The following SEZ6L2 variants were observed in gnomAD, a reference collection of about 807,000 sequenced individuals.
The protein encoded by SEZ6L2 is seizure related 6 homolog like 2.
Under a neutral mutation model 97.0 loss-of-function variants are expected in SEZ6L2, and 44 were observed. That is an observed-to-expected ratio of 0.45 (90% CI 0.36 to 0.58). SEZ6L2 has a LOEUF of 0.58. Ranked by LOEUF, SEZ6L2 falls within the 20% of genes least tolerant of loss-of-function variation. The probability of loss-of-function intolerance (pLI) is 0.00; values close to 1 mark genes in which losing one functional copy is unlikely to be tolerated. For missense variants in SEZ6L2, 1,086 were observed against 1,233.3 expected, an observed-to-expected ratio of 0.88 and a Z score of 1.79; for synonymous variants, 543 against 546.1, an observed-to-expected ratio of 0.99 and a Z score of 0.08.
Position 29,879,937 on chromosome 16 carries a change from A to G in SEZ6L2, c.1500T>C (p.Pro500=). Reference sequence around the variant, plus strand: ...CACATTCGATGGCATTGGGGGGCCCAGGGGGCTCCAGGGCATATCCTGGGA... The same window carrying G: ...CACATTCGATGGCATTGGGGGGCCCGGGGGGCTCCAGGGCATATCCTGGGA... ...SCLPGYALEP[P]GPPNAIECVD... is the part of the protein sequence containing the mutation. Residue 500 remains proline, a synonymous_variant, in exon 9 of 18, where the codon CCT becomes CCC. Coordinates refer to ENST00000617533, the MANE Select transcript of SEZ6L2 (RefSeq NM_001243332.2). 1.2e-6 allele frequency: 2 copies of G among 1,614,088 alleles called. No individual in the cohort carries two copies. Among genetic ancestry groups the G allele is most frequent in the South Asian group, 1.1e-5 (1 of 91,080 alleles).
Position 29,873,479 on chromosome 16 carries a change from G to C in SEZ6L2, c.2297-48C>G. The C allele has an allele frequency of 6.2e-7, 1 of 1,614,010 alleles. No homozygotes were observed. The highest frequency in any genetic ancestry group is 8.5e-7 in the Non-Finnish European group (1 of 1,179,940). ...GTGCCAGCTGCACTACTGTGCACGG[G>C]GCAGACGGGCTCTCCCAGGGCTACC... On this transcript the variant is annotated intron_variant, in intron 13 of 17. Transcript: ENST00000617533. The surrounding 1 kb of genome is among the most constrained non-coding windows in gnomAD (Gnocchi z 4.3).
chr16:29,873,867 A>T lies in SEZ6L2; in HGVS notation c.2105-138T>A. 1.3e-6 allele frequency: 1 copy of T among 757,468 alleles called. No homozygotes were observed. The highest frequency in any genetic ancestry group is 2.1e-6 in the Non-Finnish European group (1 of 483,214). The allele number at this position is 757,468 out of a possible 1,614,324, so 46.9% of individuals were successfully genotyped here. A position where few individuals can be genotyped will look rare whatever the true frequency, so the allele number is the denominator to read the frequency against. Reference sequence around the variant, plus strand: ...CGCACTCCTGTGGTTCCAGCTACTCAGGAGTTGGAGGCGGGATGATCGCTC... The same window carrying T: ...CGCACTCCTGTGGTTCCAGCTACTCTGGAGTTGGAGGCGGGATGATCGCTC... On this transcript the variant is annotated intron_variant, in intron 12 of 17. Transcript: ENST00000617533. This position sits in a 1 kb window ranked among gnomAD's most constrained non-coding sequence, Gnocchi z 4.3.
chr16:29,878,521 C>A (rs2067958991), intron 9 of SEZ6L2, 96 bp from the exon 10 acceptor site: 3 of 996,696 alleles, frequency 3.0e-6, no homozygotes, highest in Middle Eastern at 3.4e-4. Flanking sequence ...CACCACATCA[C>A]CTCGCTTGTT....
chr16:29,877,907 C>T (rs1271652349), intron 10 of SEZ6L2, among the ~76,000 whole-genome samples: 3 of 152,194 alleles, frequency 2.0e-5, no homozygotes, highest in African/African-American at 7.2e-5. Context: ...CATACCAATT[C>T]AGCTCACTGG....
chr16:29,872,759 G>A lies in SEZ6L2; in HGVS notation c.2489-16C>T. On this transcript the variant is annotated splice_polypyrimidine_tract_variant and intron_variant, in intron 14 of 17. Transcript: ENST00000617533. ...TCATAGGCAACTGCAGGGAGAGGAGGGGGAGGGGATGGGGTCTGAGCCAGG... is the reference window on the plus strand; with the variant it reads ...TCATAGGCAACTGCAGGGAGAGGAGAGGGAGGGGATGGGGTCTGAGCCAGG... 1 of 1,609,274 alleles carries A rather than the reference G, an allele frequency of 6.2e-7. No homozygotes were observed. Among genetic ancestry groups the A allele is most frequent in the South Asian group, 1.1e-5 (1 of 90,912 alleles).
At chr16:29,888,493 T>TG in intron 6 of SEZ6L2, 47 bp downstream of exon 6, 1 of 1,576,516 alleles carries the variant, frequency 6.3e-7, no homozygotes, top group Non-Finnish European at 8.7e-7. Context: ...ACCCTCCCAA[T>TG]GGGGTTCCCA....
intron 17 of SEZ6L2, 97 bp from the exon 18 acceptor site, chr16:29,871,825 A>C (rs577106579): frequency 2.7e-6 from 3 of 1,098,344 alleles, no homozygotes; most frequent in Non-Finnish European, 4.1e-6. Flanking sequence ...TTTTAAAGTA[A>C]CATTGACCTC....
chr16:29,885,336 A>G (rs988222044), intron 8 of SEZ6L2, among the ~76,000 whole-genome samples: 1 of 152,224 alleles, frequency 6.6e-6, no homozygotes, highest in African/African-American at 2.4e-5. Flanking sequence ...AGATACTGAG[A>G]TAACTGGTCT....
At position 29,878,277 on chromosome 16, in the gene SEZ6L2, C is replaced by A. The variant is rs1446052738; in HGVS notation, c.1712+10G>T. ...ACACCCGTCGCACCCTCTGCAGGAC[C>A]CAAACATACATCTCAACTTGGAGCA... On this transcript the variant is annotated intron_variant, in intron 10 of 17. Transcript: ENST00000617533. 6.3e-7 allele frequency: 1 copy of A among 1,590,642 alleles called. No individual in the cohort carries two copies. Among genetic ancestry groups the A allele is most frequent in the Non-Finnish European group, 8.6e-7 (1 of 1,166,318 alleles).
intron 12 of SEZ6L2, among the ~76,000 whole-genome samples, chr16:29,875,040 A>G (rs926955514): frequency 1.3e-5 from 2 of 151,928 alleles, no homozygotes; most frequent in African/African-American, 2.4e-5. Context: ...ATGCCTGGCT[A>G]TATTTTTTAT....
chr16:29,881,877 G>A (rs1010803333), intron 8 of SEZ6L2, among the ~76,000 whole-genome samples: 5 of 148,116 alleles, frequency 3.4e-5, no homozygotes, highest in African/African-American at 7.5e-5. Context: ...TGATCCACCC[G>A]CCTCAGCCTC....
intron 11 of SEZ6L2, 89 bp from the exon 12 acceptor site, chr16:29,877,039 G>T: frequency 7.4e-7 from 1 of 1,346,624 alleles, no homozygotes; most frequent in Non-Finnish European, 1.0e-6. Flanking sequence ...GCCCCCTCCC[G>T]GGATCTGTCT....
chr16:29,897,362 T>A (rs1242419147), intron 2 of SEZ6L2, among the ~76,000 whole-genome samples: 1 of 143,388 alleles, frequency 7.0e-6, no homozygotes, highest in Non-Finnish European at 1.5e-5. Flanking sequence ...CCTTCCACCC[T>A]GATACTCCTC....
chr16:29,873,328 A>G lies in SEZ6L2; in HGVS notation c.2400T>C (p.Tyr800=), dbSNP rs777402445. The G allele has an allele frequency of 3.1e-6, 5 of 1,614,118 alleles. No homozygotes were observed. Among genetic ancestry groups the G allele is most frequent in the African/African-American group, 2.7e-5 (2 of 74,936 alleles). Residue 800 remains tyrosine, a synonymous_variant, in exon 14 of 18, where the codon TAT becomes TAC. Transcript: ENST00000617533. This position sits in a 1 kb window ranked among gnomAD's most constrained non-coding sequence, Gnocchi z 4.3. ...QAGESLRFFC[Y]EGFELIGEVT... is the part of the protein sequence containing the mutation. The stretch of plus-strand genomic sequence containing the variant: ...CCTCGCCGATAAGCTCAAAGCCCTC[A>G]TAGCAGAAGAAGCGCAGAGACTCGC...
At chr16:29,875,776 C>T (rs1398815635) in intron 12 of SEZ6L2, among the ~76,000 whole-genome samples, 1 of 150,238 alleles carries the variant, frequency 6.7e-6, no homozygotes, top group East Asian at 1.9e-4. Flanking sequence ...GATTCTCCTT[C>T]CTCAGCCTCC....
chr16:29,871,625 C>T lies in SEZ6L2; in HGVS notation c.*74G>A, dbSNP rs2067782117. 12 of 1,468,004 alleles carry T rather than the reference C, an allele frequency of 8.2e-6. No individual in the cohort carries two copies. The highest frequency in any genetic ancestry group is 1.8e-4 in the Middle Eastern group (1 of 5,618). 90.9% of individuals were successfully genotyped at this position (1,468,004 alleles called of 1,614,324 possible). A position where few individuals can be genotyped will look rare whatever the true frequency, so the allele number is the denominator to read the frequency against. On this transcript the variant is annotated 3_prime_UTR_variant, in exon 18 of 18. Coordinates refer to ENST00000617533, the MANE Select transcript of SEZ6L2 (RefSeq NM_001243332.2). The stretch of plus-strand genomic sequence containing the variant: ...AGGAGGGCAGCCAGGAGGCAGAGAC[C>T]GGGTCCCGTATTTCCCTCTGCCCGA...
chr16:29,884,935 C>T (rs1016004760), intron 8 of SEZ6L2, among the ~76,000 whole-genome samples: 11 of 151,940 alleles, frequency 7.2e-5, no homozygotes, highest in African/African-American at 2.2e-4. Flanking sequence ...AGGCCGGGCG[C>T]GGTGGCTCAC....
intron 12 of SEZ6L2, among the ~76,000 whole-genome samples, chr16:29,875,067 G>A (rs1442426831): frequency 6.6e-6 from 1 of 152,016 alleles, no homozygotes; most frequent in Non-Finnish European, 1.5e-5. Flanking sequence ...TAGAGACAGG[G>A]TCTCACTATG....
intron 8 of SEZ6L2, among the ~76,000 whole-genome samples, chr16:29,880,520 C>T (rs1396526292): frequency 1.3e-5 from 2 of 152,102 alleles, no homozygotes; most frequent in Non-Finnish European, 2.9e-5. Context: ...GGGGTTTCTC[C>T]AGGTTGATCA....
Sources: gnomAD v4.1 joint callset for allele counts (sites outside exome capture counted in the v4.1 genomes callset) on GRCh38, gnomAD v4.1.1 for gene constraint, Gnocchi (gnomAD v3.1) non-coding constraint, MANE v1.5 for transcripts, NCBI Gene and HGNC (gene_info 2026-07-23, HGNC 2026-07-21) for gene names.